NEO1: variants seen among roughly 807,000 people sequenced by gnomAD.
The protein encoded by NEO1 is neogenin 1, also known as neogenin.
A neutral mutation model predicts 159.7 loss-of-function variants in NEO1; 63 were observed. The ratio of observed to expected loss-of-function variants is 0.39; its 90% CI spans 0.32 to 0.49. The LOEUF is 0.49. NEO1 is among the 20% of genes least tolerant of loss of function. The probability of loss-of-function intolerance (pLI) is 0.85; values close to 1 mark genes in which losing one functional copy is unlikely to be tolerated. For missense variants in NEO1, 1,615 were observed against 1,831.0 expected, an observed-to-expected ratio of 0.88 and a Z score of 2.15; for synonymous variants, 633 against 662.0, an observed-to-expected ratio of 0.96 and a Z score of 0.67.
At chr15:73,178,535 G>A in intron 7 of NEO1, 108 bp downstream of exon 7, 1 of 1,183,732 alleles carries the variant, frequency 8.4e-7, no homozygotes, top group Non-Finnish European at 1.2e-6. Flanking sequence ...AGGCCAATAT[G>A]TGGCATAGCT....
At chr15:73,257,918 C>A (rs1462556055) in intron 13 of NEO1, among the ~76,000 whole-genome samples, 1 of 152,162 alleles carries the variant, frequency 6.6e-6, no homozygotes, top group Admixed American at 6.6e-5. Flanking sequence ...GACTTGGGCC[C>A]AGGCATTTTG....
Position 73,069,103 on chromosome 15 carries a change from G to A in NEO1, c.130+16298G>A, listed in dbSNP as rs146686181. Among the ~76,000 whole-genome samples, 4 of 149,222 alleles carry A rather than the reference G, an allele frequency of 2.7e-5. No homozygotes were observed. The East Asian group carries it at 7.8e-4, about 29-fold the overall frequency. On this transcript the variant is annotated intron_variant, in intron 1 of 28. Coordinates refer to ENST00000261908, the MANE Select transcript of NEO1 (RefSeq NM_002499.4). ...CAAGTAGCTGGGACTACAGTCATGC[G>A]TCACCATGGGCTAATTTTTGTATTT...
Position 73,116,544 on chromosome 15 carries a change from C to T in NEO1, c.135C>T (p.Ala45=). ...RSGSAPQSPG[A]SIRTFTPFYF... ...TCTTTTTCTTTATTTTTGTAGGAGC[C>T]AGCATTCGAACGTTCACTCCATTTT... The change falls in exon 2 of 29, where the codon GCC becomes GCT. Residue 45 remains alanine, a synonymous_variant. Transcript: ENST00000261908. 1.3e-6 allele frequency: 2 copies of T among 1,506,536 alleles called. No homozygotes were observed. The highest frequency in any genetic ancestry group is 2.4e-5 in the Admixed American group (1 of 41,378). The allele number at this position is 1,506,536 out of a possible 1,614,324, so 93.3% of individuals were successfully genotyped here. A position where few individuals can be genotyped will look rare whatever the true frequency, so the allele number is the denominator to read the frequency against.
intron 5 of NEO1, among the ~76,000 whole-genome samples, chr15:73,145,784 T>C (rs1167130065): frequency 6.6e-6 from 1 of 152,146 alleles, no homozygotes; most frequent in African/African-American, 2.4e-5. Context: ...GGAAGAAGCT[T>C]TATGTATCTT....
In NEO1 at chr15:73,089,321, A is replaced by G. The variant is rs2069544845; in HGVS notation, c.131-27219A>G. On this transcript the variant is annotated intron_variant, in intron 1 of 28. Transcript: ENST00000261908. The stretch of plus-strand genomic sequence containing the variant: ...TTAATTAGTTCAGTGATTTGTATGT[A>G]CCTGATAAAGTATTCTAATAATTGT... Among the ~76,000 whole-genome samples, 5 of 152,160 alleles carry G rather than the reference A, an allele frequency of 3.3e-5. No homozygotes were observed. The South Asian group carries it at 1.0e-3, about 31-fold the overall frequency.
At chr15:73,208,734 C>T (rs1418066787) in intron 7 of NEO1, among the ~76,000 whole-genome samples, 9 of 152,040 alleles carry the variant, frequency 5.9e-5, no homozygotes, top group Non-Finnish European at 8.8e-5. Context: ...TCGTGGCACG[C>T]GCCTGTAGTC....
chr15:73,168,185 T>TTTCTG lies in NEO1; in HGVS notation c.1016-8216_1016-8215insCTGTT, dbSNP rs2034703029. ...TCAGGAAATGCTTCTTTAAGGAAGT[T>TTTCTG]TTTTGTTTTGTTTTGTATTTTTGAG... On this transcript the variant is annotated intron_variant, in intron 5 of 28. Transcript: ENST00000261908. Among the ~76,000 whole-genome samples, 3 of 151,424 alleles carry TTTCTG rather than the reference T, an allele frequency of 2.0e-5. No homozygotes were observed. In the South Asian group the frequency reaches 6.3e-4, roughly 32 times the overall value.
At chr15:73,226,612 A>G (rs2038606793) in intron 7 of NEO1, among the ~76,000 whole-genome samples, 1 of 152,234 alleles carries the variant, frequency 6.6e-6, no homozygotes, top group Non-Finnish European at 1.5e-5. Context: ...AACATTTCCC[A>G]AAAGTAATAT....
intron 15 of NEO1, among the ~76,000 whole-genome samples, chr15:73,261,257 G>A (rs763845398): frequency 1.4e-4 from 22 of 151,976 alleles, no homozygotes; most frequent in Non-Finnish European, 2.5e-4. Flanking sequence ...AATGATTTTG[G>A]AAACCAATAT....
chr15:73,254,537 T>G, intron 12 of NEO1, 145 bp from the exon 13 acceptor site: 1 of 740,986 alleles, frequency 1.3e-6, no homozygotes, highest in Admixed American at 3.3e-5. Context: ...TTTTGAGTGA[T>G]TATTAAATAA....
chr15:73,148,838 A>G (rs1258969100), intron 5 of NEO1, among the ~76,000 whole-genome samples: 1 of 150,996 alleles, frequency 6.6e-6, no homozygotes, highest in East Asian at 1.9e-4. Flanking sequence ...AAATCATATC[A>G]GTGGTTTTCA....
At chr15:73,196,615 A>G (rs1192983394) in intron 7 of NEO1, among the ~76,000 whole-genome samples, 2 of 152,228 alleles carry the variant, frequency 1.3e-5, no homozygotes, top group Non-Finnish European at 2.9e-5. Flanking sequence ...CTAGCTATTC[A>G]TCAACCATGC....
At chr15:73,227,445 G>A (rs35462485) in intron 7 of NEO1, among the ~76,000 whole-genome samples, 3,144 of 151,774 alleles carry the variant, frequency 0.021, 51 homozygotes, top group South Asian at 0.045. Context: ...GCAGTGAGCC[G>A]AGATCACACC....
chr15:73,062,356 T>C (rs1423178071), intron 1 of NEO1, among the ~76,000 whole-genome samples: 1 of 152,258 alleles, frequency 6.6e-6, no homozygotes, highest in Non-Finnish European at 1.5e-5. Flanking sequence ...ATATCTTTTA[T>C]TGAATCATTG....
At chr15:73,078,971 G>C (rs2068908850) in intron 1 of NEO1, among the ~76,000 whole-genome samples, 1 of 152,190 alleles carries the variant, frequency 6.6e-6, no homozygotes, top group African/African-American at 2.4e-5. Context: ...ATACTAAACA[G>C]TGTGGTTTTC....
Position 73,282,990 on chromosome 15 carries a change from A to G in NEO1, c.3289A>G (p.Thr1097Ala). ...CAGTAACAGCCCTCATGGGAGCCCCACCTCTCCTCTGGACAGTAATATGCT... is the reference window on the plus strand; with the variant it reads ...CAGTAACAGCCCTCATGGGAGCCCCGCCTCTCCTCTGGACAGTAATATGCT... Reference protein sequence around the residue: ...SGSNSPHGSPTSPLDSNMLLV... With the variant: ...SGSNSPHGSPASPLDSNMLLV... Residue 1097 changes from threonine (T) to alanine (A), a missense_variant, in exon 23 of 29, where the codon ACC (threonine) becomes GCC (alanine). By Grantham distance (58) the Thr-to-Ala change is moderately conservative. Coordinates refer to ENST00000261908, the MANE Select transcript of NEO1 (RefSeq NM_002499.4). 1 of 1,614,052 alleles carries G rather than the reference A, an allele frequency of 6.2e-7. No individual in the cohort carries two copies. Among genetic ancestry groups the G allele is most frequent in the Non-Finnish European group, 8.5e-7 (1 of 1,180,008 alleles).
chr15:73,120,160 T>TTA (rs2071557995), intron 2 of NEO1, among the ~76,000 whole-genome samples: 1 of 150,972 alleles, frequency 6.6e-6, no homozygotes, highest in Non-Finnish European at 1.5e-5. Flanking sequence ...TTAATTAATT[T>TTA]AATTTAATTT....
chr15:73,265,401 A>C (rs2040838827), intron 15 of NEO1, among the ~76,000 whole-genome samples: 1 of 152,190 alleles, frequency 6.6e-6, no homozygotes, highest in Non-Finnish European at 1.5e-5. Context: ...TTGAACATAA[A>C]GGTCTGGTGC....
chr15:73,266,646 C>T (rs568084533), intron 16 of NEO1, among the ~76,000 whole-genome samples: 4 of 151,856 alleles, frequency 2.6e-5, no homozygotes, highest in African/African-American at 4.8e-5. Context: ...GATATATACA[C>T]GTTTTTAATC....
Sources: gnomAD v4.1 joint callset for allele counts (sites outside exome capture counted in the v4.1 genomes callset) on GRCh38, gnomAD v4.1.1 for gene constraint, MANE v1.5 for transcripts, NCBI Gene and HGNC (gene_info 2026-07-23, HGNC 2026-07-21) for gene names.